MIGA1: variants seen among roughly 807,000 people sequenced by gnomAD.
The protein encoded by MIGA1 is mitoguardin 1.
Under a neutral mutation model 82.0 loss-of-function variants are expected in MIGA1, and 58 were observed. That is an observed-to-expected ratio of 0.71 (90% confidence interval 0.57 to 0.88). The LOEUF (loss-of-function observed/expected upper bound fraction) is 0.88, where lower values mean the gene tolerates loss of function less well. MIGA1 is among the 40% of genes least tolerant of loss of function. The probability of loss-of-function intolerance (pLI) is 0.00; values close to 1 mark genes in which losing one functional copy is unlikely to be tolerated. For missense variants in MIGA1, 751 were observed against 749.1 expected (o/e 1.00, Z -0.03); for synonymous variants, 249 against 253.6 (o/e 0.98, Z 0.17).
At chr1:77,857,723 G>GTT (rs1273544813) in intron 8 of MIGA1, among the ~76,000 whole-genome samples, 21 of 112,914 alleles carry the variant, frequency 1.9e-4, no homozygotes, top group Admixed American at 4.5e-4. Context: ...TTTCTGGGTT[G>GTT]TTGTTTTTTT....
chr1:77,811,604 T>G, intron 5 of MIGA1: 1 of 1,612,228 alleles, frequency 6.2e-7, no homozygotes, highest in Non-Finnish European at 8.5e-7. Flanking sequence ...ATGGTTTTCT[T>G]TTGTTCTTCT....
At chr1:77,789,518 C>G (rs1298010576) in intron 2 of MIGA1, among the ~76,000 whole-genome samples, 2 of 152,076 alleles carry the variant, frequency 1.3e-5, no homozygotes, top group African/African-American at 4.8e-5. Context: ...CTTTCTCTCT[C>G]TTTCTCTTTT....
rs1682955429 is a variant in MIGA1 at position 77,803,197 on chromosome 1, A to G, written c.374-73A>G. ...AGCTTTCTGGGTGAATATATTATAA[A>G]CTCTGAAATTTTTACCTGAAATTTA... On this transcript the variant is annotated intron_variant, in intron 3 of 15. Coordinates refer to ENST00000370791, the MANE Select transcript of MIGA1 (RefSeq NM_198549.4). The G allele has an allele frequency of 3.0e-6, 3 of 992,382 alleles. No homozygotes were observed. The South Asian group carries it at 1.0e-4, about 33-fold the overall frequency. 61.5% of individuals were successfully genotyped at this position (992,382 alleles called of 1,614,324 possible).
rs11375207 is a variant in MIGA1 at position 77,824,983 on chromosome 1, C to CTTTTT, written c.895+9771_895+9775dup. On this transcript the variant is annotated intron_variant, in intron 7 of 15. Coordinates refer to ENST00000370791, the MANE Select transcript of MIGA1 (RefSeq NM_198549.4). ...AACAATAGTTATTTGTTCTATTCCT[C>CTTTTT]TTTTTTTTTTTTTTTTTTTTTTTGA... Among the ~76,000 whole-genome samples the CTTTTT allele has an allele frequency of 1.6e-4, 17 of 103,136 alleles. 1 individual carries two copies. The highest frequency in any genetic ancestry group is 1.7e-4 in the Non-Finnish European group (9 of 52,312). 67.7% of individuals were successfully genotyped at this position (103,136 alleles called of 152,430 possible).
intron 1 of MIGA1, chr1:77,782,951 A>G (rs1681988658): frequency 1.2e-6 from 1 of 845,924 alleles, no homozygotes; most frequent in Non-Finnish European, 1.4e-6. Flanking sequence ...AGAATCTAGA[A>G]CTCGCAATTT....
At chr1:77,791,495 T>C (rs1682422708) in intron 2 of MIGA1, among the ~76,000 whole-genome samples, 1 of 151,982 alleles carries the variant, frequency 6.6e-6, no homozygotes, top group South Asian at 2.1e-4. Context: ...AACATTTGCT[T>C]GTAGGTGTTT....
chr1:77,826,950 G>T (rs554663944), intron 7 of MIGA1, among the ~76,000 whole-genome samples: 14 of 150,624 alleles, frequency 9.3e-5, no homozygotes, highest in African/African-American at 3.4e-4. Flanking sequence ...GATTAAAAGC[G>T]CCCGCCAGCA....
At chr1:77,860,583 T>A (rs1299563548) in intron 11 of MIGA1, 1 of 153,868 alleles carries the variant, frequency 6.5e-6, no homozygotes, top group African/African-American at 2.4e-5. Flanking sequence ...TATGCAAGGT[T>A]TGTCCAGATG....
intron 14 of MIGA1, among the ~76,000 whole-genome samples, chr1:77,872,311 C>T (rs1646852259): frequency 6.6e-6 from 1 of 152,072 alleles, no homozygotes; most frequent in African/African-American, 2.4e-5. Flanking sequence ...GTAAAAACAA[C>T]TTTTAAGGGC....
intron 7 of MIGA1, among the ~76,000 whole-genome samples, chr1:77,842,163 T>C (rs1181564139): frequency 6.6e-6 from 1 of 152,214 alleles, no homozygotes; most frequent in Non-Finnish European, 1.5e-5. Flanking sequence ...ATATATGTTT[T>C]ATTCTTTGCT....
chr1:77,870,929 A>C lies in MIGA1; in HGVS notation c.1564-2075A>C, dbSNP rs1007225533. 5.1e-3 allele frequency among the ~76,000 whole-genome samples: 771 copies of C among 150,846 alleles called. 7 individuals are homozygous for C. The highest frequency in any genetic ancestry group is 7.9e-3 in the Non-Finnish European group (532 of 67,472). On this transcript the variant is annotated intron_variant, in intron 14 of 15. Coordinates refer to ENST00000370791, the MANE Select transcript of MIGA1 (RefSeq NM_198549.4). ...AAACCCCGTCTCCACCAAAAAAAAAAACGAAAACCAGTCAGGCGTGGCGGT... is the reference window on the plus strand; with the variant it reads ...AAACCCCGTCTCCACCAAAAAAAAACACGAAAACCAGTCAGGCGTGGCGGT...
intron 7 of MIGA1, among the ~76,000 whole-genome samples, chr1:77,836,879 C>T (rs997003912): frequency 5.9e-5 from 9 of 151,902 alleles, no homozygotes; most frequent in Admixed American, 5.9e-4. Flanking sequence ...GCTTTGGAAA[C>T]CAATAGAGGA....
chr1:77,841,799 TTTTC>T (rs1268399303), intron 7 of MIGA1, among the ~76,000 whole-genome samples: 2 of 149,608 alleles, frequency 1.3e-5, no homozygotes, highest in African/African-American at 2.4e-5. Context: ...TCCTTTTCTT[TTTTC>T]TTTCTTTTTT....
At chr1:77,847,579 A>G (rs971713921) in intron 8 of MIGA1, 3 of 1,521,406 alleles carry the variant, frequency 2.0e-6, no homozygotes, top group East Asian at 4.5e-5. Flanking sequence ...ACATCTGCAT[A>G]TAAGAAAAAA....
At chr1:77,847,177 CA>C in intron 8 of MIGA1, 12 of 1,291,744 alleles carry the variant, frequency 9.3e-6, no homozygotes, top group African/African-American at 1.5e-5. Flanking sequence ...TCCTGTTTTG[CA>C]AAAACCGTCA....
intron 2 of MIGA1, among the ~76,000 whole-genome samples, chr1:77,799,166 T>G (rs1344824280): frequency 6.6e-6 from 1 of 152,162 alleles, no homozygotes; most frequent in Non-Finnish European, 1.5e-5. Flanking sequence ...TAGTTTTATT[T>G]TTTGTGATGT....
chr1:77,780,696 A>G (rs1257167073), intron 1 of MIGA1, among the ~76,000 whole-genome samples: 1 of 152,212 alleles, frequency 6.6e-6, no homozygotes, highest in Non-Finnish European at 1.5e-5. Flanking sequence ...GATTCCGTCT[A>G]TAAATTTGAA....
chr1:77,807,843 CAG>C (rs1683162458), intron 5 of MIGA1, among the ~76,000 whole-genome samples: 6 of 152,038 alleles, frequency 3.9e-5, no homozygotes, highest in Admixed American at 3.9e-4. Flanking sequence ...TTTTTTGAGA[CAG>C]AGTCTCACTC....
intron 2 of MIGA1, among the ~76,000 whole-genome samples, chr1:77,783,876 A>G (rs375320975): frequency 1.8e-4 from 27 of 152,294 alleles, no homozygotes; most frequent in South Asian, 6.2e-4. Flanking sequence ...TCCTGTCTGT[A>G]TGAATTCGAC....
Sources: allele counts gnomAD v4.1 joint callset (sites outside exome capture counted in the v4.1 genomes callset), GRCh38; gene constraint gnomAD v4.1.1; transcripts MANE v1.5; gene names NCBI Gene and HGNC (gene_info 2026-07-23, HGNC 2026-07-21).